The following KLHL24 variants were observed in gnomAD, a reference collection of about 807,000 sequenced individuals.
KLHL24 encodes kelch-like protein 24.
A neutral mutation model predicts 53.4 loss-of-function variants in KLHL24; 29 were observed. The observed-to-expected ratio is 0.54, with a 90% CI of 0.40 to 0.74. KLHL24 has a LOEUF of 0.74. Ranked by LOEUF, KLHL24 falls within the 30% of genes least tolerant of loss-of-function variation. The pLI is 0.00. For missense variants in KLHL24, 504 were observed against 744.0 expected (o/e 0.68, Z 3.75); for synonymous variants, 222 against 253.7 (o/e 0.88, Z 1.19).
At chr3:183,659,090 G>A (rs545698526) in intron 3 of KLHL24, among the ~76,000 whole-genome samples, 255 of 152,156 alleles carry the variant, frequency 1.7e-3, no homozygotes, top group Non-Finnish European at 3.1e-3. Flanking sequence ...CTTTTTTAGT[G>A]TAGATGATTG....
At chr3:183,666,572 G>C (rs1159838545) in intron 5 of KLHL24, among the ~76,000 whole-genome samples, 1 of 152,044 alleles carries the variant, frequency 6.6e-6, no homozygotes, top group Admixed American at 6.6e-5. Flanking sequence ...AAATATTTTG[G>C]ATTTTTTTCA....
intron 3 of KLHL24, among the ~76,000 whole-genome samples, chr3:183,658,563 CTG>C (rs775810003): frequency 1.2e-4 from 18 of 152,068 alleles, no homozygotes; most frequent in Non-Finnish European, 2.1e-4. Flanking sequence ...CATACATACA[CTG>C]TTAATTTATA....
intron 1 of KLHL24, among the ~76,000 whole-genome samples, chr3:183,641,237 G>C (rs1716375983): frequency 6.6e-6 from 1 of 152,252 alleles, no homozygotes; most frequent in Admixed American, 6.5e-5. Flanking sequence ...GCTCACGCCT[G>C]TAATCCCAGA....
Position 183,680,130 on chromosome 3 carries a change from A to G in KLHL24, c.*844A>G, listed in dbSNP as rs1712528374. On this transcript the variant is annotated 3_prime_UTR_variant, in exon 8 of 8. Coordinates refer to ENST00000242810, the MANE Select transcript of KLHL24 (RefSeq NM_017644.3). The stretch of plus-strand genomic sequence containing the variant: ...ACCCATTTTGCAATATTGTTTTGTG[A>G]AAAACAGGGACAGACAGCCAGGTAC... 6.6e-6 allele frequency: 1 copy of G among 152,164 alleles called. No homozygotes were observed. Among genetic ancestry groups the G allele is most frequent in the Non-Finnish European group, 1.5e-5 (1 of 68,052 alleles). 9.4% of individuals were successfully genotyped at this position (152,164 alleles called of 1,614,324 possible).
At chr3:183,649,201 G>A (rs1330605594) in intron 2 of KLHL24, among the ~76,000 whole-genome samples, 4 of 152,150 alleles carry the variant, frequency 2.6e-5, no homozygotes, top group Admixed American at 6.5e-5. Flanking sequence ...GTAGAAAATA[G>A]AGAAGATAAA....
chr3:183,658,659 A>G (rs766313826), intron 3 of KLHL24, among the ~76,000 whole-genome samples: 2 of 152,202 alleles, frequency 1.3e-5, no homozygotes, highest in Non-Finnish European at 2.9e-5. Flanking sequence ...ATTGCCTTTC[A>G]ATTTATACTT....
chr3:183,640,769 T>G (rs980668412), intron 1 of KLHL24, among the ~76,000 whole-genome samples: 15 of 151,884 alleles, frequency 9.9e-5, no homozygotes, highest in Non-Finnish European at 1.5e-5. Flanking sequence ...CCGGCTAATT[T>G]TTTTGTATTT....
intron 3 of KLHL24, among the ~76,000 whole-genome samples, chr3:183,653,559 T>C (rs11917141): frequency 0.33 from 50,921 of 152,100 alleles, 9,379 homozygotes; most frequent in African/African-American, 0.49. Flanking sequence ...TTAATTATAC[T>C]GTGACAGGTT....
intron 5 of KLHL24, among the ~76,000 whole-genome samples, chr3:183,668,705 G>A (rs1403290485): frequency 1.3e-5 from 2 of 152,160 alleles, no homozygotes; most frequent in Non-Finnish European, 2.9e-5. Context: ...AGGAGTTCAA[G>A]ACCAGCCTGG....
chr3:183,656,164 G>A (rs959038511), intron 3 of KLHL24, among the ~76,000 whole-genome samples: 1 of 147,204 alleles, frequency 6.8e-6, no homozygotes, highest in African/African-American at 2.5e-5. Context: ...AGCCTCCCAA[G>A]TAGCTGGGAC....
rs34105624 is a variant in KLHL24 at position 183,646,976 on chromosome 3, A to ATTTT, written c.-61-3305_-61-3302dup. On this transcript the variant is annotated intron_variant, in intron 2 of 7. Coordinates refer to ENST00000242810, the MANE Select transcript of KLHL24 (RefSeq NM_017644.3). The stretch of plus-strand genomic sequence containing the variant: ...AGGCGCCTGCCACCACGCCCAGCTA[A>ATTTT]TTTTTTTTTTTTTTTTTTAGTAGAG... Among the ~76,000 whole-genome samples, 399 of 133,766 alleles carry ATTTT rather than the reference A, an allele frequency of 3.0e-3. 2 individuals carry two copies. The highest frequency in any genetic ancestry group is 0.011 in the African/African-American group (385 of 36,018). The allele number at this position is 133,766 out of a possible 152,430, so 87.8% of individuals were successfully genotyped here.
chr3:183,674,238 A>G (rs1721757546), intron 7 of KLHL24, among the ~76,000 whole-genome samples: 1 of 132,422 alleles, frequency 7.6e-6, no homozygotes, highest in Admixed American at 7.6e-5. Context: ...CTCATTTAGC[A>G]TCAATTTTCT....
At chr3:183,648,077 T>C (rs1717577662) in intron 2 of KLHL24, among the ~76,000 whole-genome samples, 2 of 152,150 alleles carry the variant, frequency 1.3e-5, no homozygotes. Flanking sequence ...CTAGGCCTAG[T>C]ACAGTATCGT....
intron 1 of KLHL24, among the ~76,000 whole-genome samples, chr3:183,639,786 A>G (rs1716069434): frequency 1.3e-5 from 2 of 152,118 alleles, no homozygotes; most frequent in Admixed American, 6.6e-5. Flanking sequence ...CAGGTGGATC[A>G]CCAGGTCAGG....
chr3:183,636,872 G>GGCC (rs1045371143), intron 1 of KLHL24, among the ~76,000 whole-genome samples: 8 of 152,058 alleles, frequency 5.3e-5, no homozygotes, highest in African/African-American at 1.7e-4. Flanking sequence ...TAGCCTCGGT[G>GGCC]GCCGCCGCCG....
At chr3:183,641,403 A>G (rs950207573) in intron 1 of KLHL24, among the ~76,000 whole-genome samples, 12 of 142,772 alleles carry the variant, frequency 8.4e-5, no homozygotes, top group African/African-American at 2.9e-4. Context: ...GCTTGAACCC[A>G]GGAGGTGAAG....
chr3:183,674,295 C>CTTTCTTTCTT (rs1553847676), intron 7 of KLHL24, among the ~76,000 whole-genome samples: 2 of 147,614 alleles, frequency 1.4e-5, no homozygotes. Context: ...TTCTTTCTTT[C>CTTTCTTTCTT]TTTCTTTCCT....
intron 6 of KLHL24, 55 bp downstream of exon 6, chr3:183,671,277 C>G (rs1721293034): frequency 2.4e-5 from 36 of 1,498,264 alleles, no homozygotes; most frequent in Non-Finnish European, 3.3e-5. Flanking sequence ...AAGGGAAATA[C>G]AGAAGGCTTA....
At chr3:183,645,260 CCAA>C (rs1214923276) in intron 2 of KLHL24, among the ~76,000 whole-genome samples, 2 of 152,150 alleles carry the variant, frequency 1.3e-5, no homozygotes, top group Non-Finnish European at 2.9e-5. Context: ...TGAAGTTTCA[CCAA>C]CAACAAAAAA....
Sources: allele counts gnomAD v4.1 joint callset (sites outside exome capture counted in the v4.1 genomes callset), GRCh38; gene constraint gnomAD v4.1.1; transcripts MANE v1.5; gene names NCBI Gene and HGNC (gene_info 2026-07-23, HGNC 2026-07-21).